GRID2: variants seen among roughly 807,000 people sequenced by gnomAD.
GRID2 encodes the protein glutamate receptor ionotropic, delta-2.
GRID2 carries 33 observed loss-of-function variants against 114.8 expected under a neutral mutation model. The ratio of observed to expected loss-of-function variants is 0.29; its 90% confidence interval spans 0.22 to 0.38. The LOEUF is 0.38. Ranked by LOEUF, GRID2 falls within the 10% of genes least tolerant of loss-of-function variation. GRID2 has a pLI of 1.00. For missense variants in GRID2, 1,184 were observed against 1,257.7 expected, an observed-to-expected ratio of 0.94 and a Z score of 0.89; for synonymous variants, 505 against 449.9, an observed-to-expected ratio of 1.12 and a Z score of -1.55.
chr4:93,238,974 G>T (rs1474860247), intron 8 of GRID2, among the ~76,000 whole-genome samples: 1 of 151,030 alleles, frequency 6.6e-6, no homozygotes, highest in Non-Finnish European at 1.5e-5. Flanking sequence ...ATGAACTCTT[G>T]TTGGATACTA....
At chr4:92,504,418 G>C (rs1009951792) in intron 1 of GRID2, among the ~76,000 whole-genome samples, 1 of 151,926 alleles carries the variant, frequency 6.6e-6, no homozygotes, top group African/African-American at 2.4e-5. Context: ...TAAGGAGACA[G>C]CTGTAGAAAA....
chr4:92,643,190 C>T (rs115372243), intron 2 of GRID2, among the ~76,000 whole-genome samples: 3 of 151,390 alleles, frequency 2.0e-5, no homozygotes, highest in South Asian at 2.1e-4. Flanking sequence ...TTGCTTTGGG[C>T]GCTGTGGCCA....
intron 2 of GRID2, among the ~76,000 whole-genome samples, chr4:93,037,620 A>G (rs113962856): frequency 0.021 from 3,202 of 152,224 alleles, 45 homozygotes; most frequent in East Asian, 0.053. Flanking sequence ...TTTTGTATAA[A>G]GTGTAATGAA....
intron 1 of GRID2, among the ~76,000 whole-genome samples, chr4:92,368,441 T>C (rs1327328452): frequency 1.3e-5 from 2 of 152,124 alleles, no homozygotes; most frequent in African/African-American, 2.4e-5. Context: ...TGCTGTAATA[T>C]TGACAATTAA....
At chr4:93,398,898 T>C (rs1333089552) in intron 9 of GRID2, among the ~76,000 whole-genome samples, 2 of 151,996 alleles carry the variant, frequency 1.3e-5, no homozygotes, top group Non-Finnish European at 2.9e-5. Flanking sequence ...CTGTAACTAC[T>C]CTGAGAATGG....
chr4:93,518,586 TAAAC>T (rs1191840573), intron 13 of GRID2, among the ~76,000 whole-genome samples: 1 of 151,902 alleles, frequency 6.6e-6, no homozygotes, highest in Non-Finnish European at 1.5e-5. Context: ...GTATAAACAA[TAAAC>T]AAAATAAACA....
chr4:92,972,319 T>C (rs1432465763), intron 2 of GRID2, among the ~76,000 whole-genome samples: 2 of 152,074 alleles, frequency 1.3e-5, no homozygotes, highest in Admixed American at 6.6e-5. Context: ...TTTTTCCCTA[T>C]ACTTGTTGGC....
Position 93,555,532 on chromosome 4 carries a change from G to T in GRID2, c.2193+40121G>T, listed in dbSNP as rs539530558. On this transcript the variant is annotated intron_variant, in intron 13 of 15. Transcript: ENST00000282020. ...GCGGAGCCCACCACAGCTCCTCAAA[G>T]GTGCTATAGCCAGACTGCCTCTCCA... Among the ~76,000 whole-genome samples, 326 of 152,302 alleles carry T rather than the reference G, an allele frequency of 2.1e-3. 1 individual carries two copies. Among genetic ancestry groups the T allele is most frequent in the African/African-American group, 7.2e-3 (300 of 41,578 alleles).
In GRID2 at chr4:93,772,588, T is replaced by C. The variant is rs1734199575; in HGVS notation, c.*90T>C. On this transcript the variant is annotated 3_prime_UTR_variant, in exon 16 of 16. Transcript: ENST00000282020. ...TTGTGGGACTAACATGGATGTAACGTTTAAAAAAAAGATCAGGATTATTAG... is the reference window on the plus strand; with the variant it reads ...TTGTGGGACTAACATGGATGTAACGCTTAAAAAAAAGATCAGGATTATTAG... 6.6e-6 allele frequency: 6 copies of C among 911,142 alleles called. No individual in the cohort carries two copies. Among genetic ancestry groups the C allele is most frequent in the Non-Finnish European group, 1.0e-5 (6 of 601,990 alleles). 56.4% of individuals were successfully genotyped at this position (911,142 alleles called of 1,614,324 possible). A position where few individuals can be genotyped will look rare whatever the true frequency, so the allele number is the denominator to read the frequency against.
chr4:93,546,185 G>A (rs1029484086), intron 13 of GRID2, among the ~76,000 whole-genome samples: 1 of 152,158 alleles, frequency 6.6e-6, no homozygotes, highest in African/African-American at 2.4e-5. Flanking sequence ...GGGAAAAAAT[G>A]GGAAAGAAAT....
intron 1 of GRID2, among the ~76,000 whole-genome samples, chr4:92,457,415 A>G (rs1721271752): frequency 6.6e-6 from 1 of 152,170 alleles, no homozygotes; most frequent in African/African-American, 2.4e-5. Context: ...TTGCATAGTA[A>G]TTATACAGAG....
intron 2 of GRID2, among the ~76,000 whole-genome samples, chr4:92,989,896 G>A (rs1179970539): frequency 6.6e-6 from 1 of 152,054 alleles, no homozygotes; most frequent in African/African-American, 2.4e-5. Context: ...CAGAAATATT[G>A]TAAGATTCTA....
chr4:92,381,458 A>G (rs1729614206), intron 1 of GRID2, among the ~76,000 whole-genome samples: 1 of 152,038 alleles, frequency 6.6e-6, no homozygotes, highest in Non-Finnish European at 1.5e-5. Context: ...AGAGACTAGC[A>G]ACTGAGTGAT....
intron 2 of GRID2, among the ~76,000 whole-genome samples, chr4:92,642,658 T>A (rs1731414553): frequency 6.7e-6 from 1 of 150,318 alleles, no homozygotes; most frequent in Admixed American, 6.6e-5. Context: ...CTCTTTAGTT[T>A]AACTAGCTCC....
intron 6 of GRID2, among the ~76,000 whole-genome samples, chr4:93,223,012 G>C (rs1214615354): frequency 1.3e-5 from 2 of 152,146 alleles, no homozygotes; most frequent in Non-Finnish European, 2.9e-5. Flanking sequence ...CAAGTTTCAG[G>C]CAGTAGAACC....
chr4:92,406,016 C>T (rs1731012653), intron 1 of GRID2, among the ~76,000 whole-genome samples: 1 of 152,106 alleles, frequency 6.6e-6, no homozygotes. Context: ...AGGAAGTATC[C>T]AGCATGGAAG....
intron 13 of GRID2, among the ~76,000 whole-genome samples, chr4:93,592,915 T>A (rs1191425732): frequency 6.6e-6 from 1 of 151,808 alleles, no homozygotes; most frequent in African/African-American, 2.4e-5. Flanking sequence ...GCTTGGTAGA[T>A]CTTCCTCCAT....
At chr4:92,329,275 C>T (rs968427577) in intron 1 of GRID2, among the ~76,000 whole-genome samples, 2 of 151,970 alleles carry the variant, frequency 1.3e-5, no homozygotes, top group African/African-American at 4.8e-5. Context: ...ACTGTGCTTG[C>T]TGGCTTCTTT....
intron 1 of GRID2, among the ~76,000 whole-genome samples, chr4:92,328,647 C>A (rs1472093590): frequency 6.6e-6 from 1 of 151,678 alleles, no homozygotes; most frequent in Non-Finnish European, 1.5e-5. Flanking sequence ...TAATTTTATG[C>A]CCGTGATCAC....
Sources: gnomAD v4.1 joint callset for allele counts (sites outside exome capture counted in the v4.1 genomes callset) on GRCh38, gnomAD v4.1.1 for gene constraint, MANE v1.5 for transcripts, NCBI Gene and HGNC (gene_info 2026-07-23, HGNC 2026-07-21) for gene names.